NME9: variants seen among roughly 807,000 people sequenced by gnomAD.
The protein encoded by NME9 is NME/NM23 family member 9.
In NME9, 48 loss-of-function variants were observed where a neutral mutation model predicts 44.4. The ratio of observed to expected loss-of-function variants is 1.08; its 90% CI spans 0.86 to 1.37. NME9 has a LOEUF of 1.37. NME9 is among the 40% of genes most tolerant of loss of function. The probability of loss-of-function intolerance (pLI) is 0.00; values close to 1 mark genes in which losing one functional copy is unlikely to be tolerated. For synonymous variants in NME9, 139 were observed against 147.1 expected (o/e 0.94, Z 0.40); for missense variants, 325 against 405.2 (o/e 0.80, Z 1.70).
chr3:138,285,833 C>G (rs545896390), intron 8 of NME9, among the ~76,000 whole-genome samples: 1 of 152,218 alleles, frequency 6.6e-6, no homozygotes, highest in African/African-American at 2.4e-5. Context: ...CCAGGGATTC[C>G]CTTATCTTTC....
chr3:138,286,530 T>C (rs183069654), intron 8 of NME9, among the ~76,000 whole-genome samples: 1 of 152,252 alleles, frequency 6.6e-6, no homozygotes, highest in Non-Finnish European at 1.5e-5. Context: ...TGGACCCTTT[T>C]CTCTTCTCTT....
chr3:138,269,050 TAG>T (rs1175944913), intron 8 of NME9, among the ~76,000 whole-genome samples: 1 of 152,136 alleles, frequency 6.6e-6, no homozygotes, highest in Non-Finnish European at 1.5e-5. Context: ...TCAGAAAAGA[TAG>T]ATAATGTGGA....
At chr3:138,267,186 T>A in intron 8 of NME9, 1 of 1,580,704 alleles carries the variant, frequency 6.3e-7, no homozygotes, top group Non-Finnish European at 8.6e-7. Flanking sequence ...GAAATCCTAG[T>A]GGTAGCATCT....
In NME9 at chr3:138,286,718, TACAG is replaced by T. The variant is rs916875056; in HGVS notation, c.745+16785_745+16788del. On this transcript the variant is annotated intron_variant, in intron 8 of 8. Transcript: ENST00000317876. ...TTAAGATCACTGGGTGGTTCTTACG[TACAG>T]ACAGAGTTGAGAACCATTGCCTTAG... Among the ~76,000 whole-genome samples, 101 of 152,192 alleles carry T rather than the reference TACAG, an allele frequency of 6.6e-4. 1 individual carries two copies. Among genetic ancestry groups the T allele is most frequent in the Admixed American group, 6.1e-3 (93 of 15,278 alleles).
chr3:138,327,195 C>A (rs2053852964), intron 1 of NME9: 1 of 149,882 alleles, frequency 6.7e-6, no homozygotes, highest in Admixed American at 6.6e-5. Context: ...TTTAAGGAAG[C>A]ATAGTCCTTA....
intron 8 of NME9, among the ~76,000 whole-genome samples, chr3:138,272,747 C>T (rs2048913305): frequency 6.6e-6 from 1 of 152,050 alleles, no homozygotes; most frequent in Non-Finnish European, 1.5e-5. Flanking sequence ...TGGTGGCTCG[C>T]GCCTGTACTC....
chr3:138,292,035 T>C (rs1391423417), intron 8 of NME9, among the ~76,000 whole-genome samples: 1 of 152,190 alleles, frequency 6.6e-6, no homozygotes, highest in African/African-American at 2.4e-5. Context: ...TTTCTTTTTT[T>C]CTTTCTTTTC....
intron 8 of NME9, among the ~76,000 whole-genome samples, chr3:138,294,136 A>G (rs2051248849): frequency 6.6e-6 from 1 of 152,248 alleles, no homozygotes; most frequent in African/African-American, 2.4e-5. Flanking sequence ...TGGCAGATTT[A>G]AAGAGCAATA....
intron 2 of NME9, among the ~76,000 whole-genome samples, chr3:138,323,714 G>C (rs1030781374): frequency 6.6e-6 from 1 of 152,178 alleles, no homozygotes; most frequent in Non-Finnish European, 1.5e-5. Flanking sequence ...TTTGGTGGAG[G>C]GGGTGGTAAT....
At chr3:138,293,096 C>T (rs576194327) in intron 8 of NME9, among the ~76,000 whole-genome samples, 58 of 152,332 alleles carry the variant, frequency 3.8e-4, no homozygotes, top group African/African-American at 1.3e-3. Context: ...TAGAACACGT[C>T]ACACTGTGTC....
chr3:138,281,431 T>C (rs1417421725), intron 8 of NME9, among the ~76,000 whole-genome samples: 1 of 152,128 alleles, frequency 6.6e-6, no homozygotes. Context: ...TAGCTGGGAC[T>C]ACAGGCATGC....
chr3:138,277,775 C>T (rs536843760), intron 8 of NME9, among the ~76,000 whole-genome samples: 1 of 152,294 alleles, frequency 6.6e-6, no homozygotes, highest in Non-Finnish European at 1.5e-5. Context: ...CCAGCAATGC[C>T]ATTCCTAGCC....
At chr3:138,291,642 G>T (rs549595084) in intron 8 of NME9, among the ~76,000 whole-genome samples, 72 of 152,320 alleles carry the variant, frequency 4.7e-4, no homozygotes, top group African/African-American at 1.5e-3. Flanking sequence ...CAAGGTGAAG[G>T]AATGGAGAAT....
At chr3:138,303,443 C>T (rs2051984563) in intron 10 of NME9, 64 bp downstream of exon 10, 3 of 1,327,586 alleles carry the variant, frequency 2.3e-6, no homozygotes, top group Non-Finnish European at 3.2e-6. Flanking sequence ...CACACTCAAG[C>T]ACATAGTTAC....
At chr3:138,315,708 AAG>A in intron 4 of NME9, 65 bp from the exon 5 acceptor site, 1 of 1,303,048 alleles carries the variant, frequency 7.7e-7, no homozygotes, top group Admixed American at 2.0e-5. Flanking sequence ...AAGAGATGGC[AAG>A]AGTGTCTAGG....
At chr3:138,270,880 C>T (rs1301015936) in intron 8 of NME9, among the ~76,000 whole-genome samples, 2 of 152,008 alleles carry the variant, frequency 1.3e-5, no homozygotes, top group Non-Finnish European at 2.9e-5. Context: ...ATTTTTAAAA[C>T]ATATTTATAC....
At chr3:138,300,323 A>G (rs1297415098), downstream of NME9, among the ~76,000 whole-genome samples, 3 of 152,128 alleles carry the variant, frequency 2.0e-5, no homozygotes, top group Non-Finnish European at 2.9e-5. Flanking sequence ...CTGAGCACAG[A>G]GTGTGTTGTG....
intron 6 of NME9, among the ~76,000 whole-genome samples, chr3:138,308,385 G>A (rs1307761942): frequency 6.6e-6 from 1 of 152,034 alleles, no homozygotes; most frequent in Non-Finnish European, 1.5e-5. Context: ...ACCACCAAGA[G>A]ACACCGTCCC....
chr3:138,264,256 C>G (rs1470095940), intron 8 of NME9: 2 of 1,490,844 alleles, frequency 1.3e-6, no homozygotes, highest in African/African-American at 1.4e-5. Context: ...CTCACAGACC[C>G]TAGAGTGAGC....
Sources: allele counts gnomAD v4.1 joint callset (sites outside exome capture counted in the v4.1 genomes callset), GRCh38; gene constraint gnomAD v4.1.1; transcripts MANE v1.5; gene names NCBI Gene and HGNC (gene_info 2026-07-23, HGNC 2026-07-21).